BIN1: variants seen among roughly 807,000 people sequenced by gnomAD.
BIN1 encodes bridging integrator 1.
In BIN1, 53 loss-of-function variants were observed where a neutral mutation model predicts 82.0. The observed-to-expected ratio is 0.65, with a 90% CI of 0.52 to 0.81. The LOEUF (loss-of-function observed/expected upper bound fraction) is 0.81. Among genes scored for constraint, BIN1 ranks in the 40% least tolerant of loss-of-function variants. The pLI, the probability that BIN1 is intolerant of heterozygous loss-of-function variation, is 0.00. For synonymous variants in BIN1, 302 were observed against 328.0 expected, an observed-to-expected ratio of 0.92 and a Z score of 0.86; for missense variants, 642 against 784.4, an observed-to-expected ratio of 0.82 and a Z score of 2.17.
intron 5 of BIN1, 59 bp from the exon 6 acceptor site, chr2:127,069,090 T>A: frequency 6.6e-7 from 1 of 1,513,040 alleles, no homozygotes. Flanking sequence ...AGACTCCAGG[T>A]CCAGTGGATC....
At chr2:127,079,845 CCT>C (rs769676469) in intron 1 of BIN1, among the ~76,000 whole-genome samples, 10 of 152,166 alleles carry the variant, frequency 6.6e-5, no homozygotes, top group Non-Finnish European at 1.3e-4. Flanking sequence ...AAACAACCCA[CCT>C]CTCAGCCTCA....
At chr2:127,103,234 T>C (rs1190706757) in intron 1 of BIN1, among the ~76,000 whole-genome samples, 1 of 152,168 alleles carries the variant, frequency 6.6e-6, no homozygotes, top group Non-Finnish European at 1.5e-5. Flanking sequence ...TTGCTGCTTC[T>C]GAGGTTGCTG....
At chr2:127,094,085 T>C (rs1056411610) in intron 1 of BIN1, among the ~76,000 whole-genome samples, 5 of 152,200 alleles carry the variant, frequency 3.3e-5, no homozygotes, top group Non-Finnish European at 7.3e-5. Context: ...TGGAGACACC[T>C]GTTCTCCCGT....
chr2:127,082,988 G>A lies in BIN1; in HGVS notation c.85-6282C>T, dbSNP rs941179341. Among the ~76,000 whole-genome samples, 32 of 151,720 alleles carry A rather than the reference G, an allele frequency of 2.1e-4. No homozygotes were observed. The highest frequency in any genetic ancestry group is 7.8e-4 in the African/African-American group (32 of 41,258). Reference sequence around the variant, plus strand: ...TTTCAAAGTATAAACCTCAAAGAAAGTGGAAAGGATACTACAGGGACTATC... The same window carrying A: ...TTTCAAAGTATAAACCTCAAAGAAAATGGAAAGGATACTACAGGGACTATC... On this transcript the variant is annotated intron_variant, in intron 1 of 18. Coordinates refer to ENST00000316724, the MANE Select transcript of BIN1 (RefSeq NM_139343.3). This position sits in a 1 kb window ranked among gnomAD's most constrained non-coding sequence, Gnocchi z 6.1.
rs746546148 is a variant in BIN1, at chr2:127,062,155, G to C, written c.817C>G (p.Gln273Glu). 6.2e-7 allele frequency: 1 copy of C among 1,611,238 alleles called. No individual in the cohort carries two copies. Among genetic ancestry groups the C allele is most frequent in the Non-Finnish European group, 8.5e-7 (1 of 1,178,934 alleles). Residue 273 changes from glutamine to glutamate, a missense_variant, in exon 10 of 19, where the codon CAA (glutamine) becomes GAA (glutamate). Gln to Glu is a conservative substitution (Grantham distance 29). Transcript: ENST00000316724. Reference protein sequence around the residue: ...LNDVLVGLEKQHGSNTFTVKA... With the variant: ...LNDVLVGLEKEHGSNTFTVKA... ...ACCGTGAAGGTGTTGCTCCCGTGTT[G>C]CTTCTCCAGGCCGACCAGCACATCA...
Position 127,048,454 on chromosome 2 carries a change from C to T in BIN1, c.*72G>A, listed in dbSNP as rs1682446715. ...CAAAAGATGAAAAACGAAAACAAAACAAAAAAAAGAACCACACATTTTTCG... is the reference window on the plus strand; with the variant it reads ...CAAAAGATGAAAAACGAAAACAAAATAAAAAAAAGAACCACACATTTTTCG... On this transcript the variant is annotated 3_prime_UTR_variant, in exon 19 of 19. Coordinates refer to ENST00000316724, the MANE Select transcript of BIN1 (RefSeq NM_139343.3). 2 of 1,451,604 alleles carry T rather than the reference C, an allele frequency of 1.4e-6. No homozygotes were observed. Among genetic ancestry groups the T allele is most frequent in the Non-Finnish European group, 1.9e-6 (2 of 1,036,912 alleles). 89.9% of individuals were successfully genotyped at this position (1,451,604 alleles called of 1,614,324 possible). A position where few individuals can be genotyped will look rare whatever the true frequency, so the allele number is the denominator to read the frequency against.
At position 127,093,633 on chromosome 2, in the gene BIN1, AACAG is replaced by A. The variant is rs1679220693; in HGVS notation, c.84+13223_84+13226del. Among the ~76,000 whole-genome samples the A allele has an allele frequency of 6.6e-6, 1 of 152,222 alleles. No homozygotes were observed. The highest frequency in any genetic ancestry group is 6.5e-5 in the Admixed American group (1 of 15,278). Reference sequence around the variant, plus strand: ...CATTCCTCACCAACTTATGTCTGAAAACAGACAGTTCTCTCTGGTCCTTGCATCT... The same window carrying A: ...CATTCCTCACCAACTTATGTCTGAAAACAGTTCTCTCTGGTCCTTGCATCT... On this transcript the variant is annotated intron_variant, in intron 1 of 18. Coordinates refer to ENST00000316724, the MANE Select transcript of BIN1 (RefSeq NM_139343.3). This position sits in a 1 kb window ranked among gnomAD's most constrained non-coding sequence, Gnocchi z 5.7.
Position 127,096,421 on chromosome 2 carries a change from CAGGG to C in BIN1, c.84+10435_84+10438del, listed in dbSNP as rs536336717. Among the ~76,000 whole-genome samples, 43 of 152,268 alleles carry C rather than the reference CAGGG, an allele frequency of 2.8e-4. No homozygotes were observed. The South Asian group carries it at 8.9e-3, about 32-fold the overall frequency. On this transcript the variant is annotated intron_variant, in intron 1 of 18. Transcript: ENST00000316724. ...GGGAAAGAGCGTTTGCATCACCCAC[CAGGG>C]AGGGCAGAGCTGCGTGCTTCCCTCA...
rs1684223262 is a variant in BIN1, at chr2:127,059,942, C to T, written c.858-787G>A. Among the ~76,000 whole-genome samples the T allele has an allele frequency of 6.6e-6, 1 of 152,142 alleles. No homozygotes were observed. Among genetic ancestry groups the T allele is most frequent in the Non-Finnish European group, 1.5e-5 (1 of 68,024 alleles). The stretch of plus-strand genomic sequence containing the variant: ...TACGGTTGCCACTAGCCACAGGCGG[C>T]AATGCAAACTCAAAGCAATGAAATT... On this transcript the variant is annotated intron_variant, in intron 10 of 18. Transcript: ENST00000316724. This position sits in a 1 kb window ranked among gnomAD's most constrained non-coding sequence, Gnocchi z 6.7.
rs191287929 is a variant in BIN1 at position 127,069,908 on chromosome 2, C to T, written c.411+87G>A. ...TTCCTGCCTCCAGGACAGCCTCCTC[C>T]TGGCCTGAGCCGCACGTCCTAGGCC... On this transcript the variant is annotated intron_variant, in intron 5 of 18. Coordinates refer to ENST00000316724, the MANE Select transcript of BIN1 (RefSeq NM_139343.3). 1,095 of 1,419,390 alleles carry T rather than the reference C, an allele frequency of 7.7e-4. 6 individuals carry two copies. The African/African-American group carries it at 0.013, about 17-fold the overall frequency. The allele number at this position is 1,419,390 out of a possible 1,614,324, so 87.9% of individuals were successfully genotyped here.
At chr2:127,100,954 G>A (rs569607270) in intron 1 of BIN1, among the ~76,000 whole-genome samples, 17 of 144,842 alleles carry the variant, frequency 1.2e-4, no homozygotes, top group Admixed American at 5.8e-4. Context: ...TGAGGAAACC[G>A]GGATTCCAAG....
chr2:127,061,794 C>A (rs953449222), intron 10 of BIN1, among the ~76,000 whole-genome samples: 1 of 152,232 alleles, frequency 6.6e-6, no homozygotes, highest in South Asian at 2.1e-4. Context: ...TCACACCCCC[C>A]AGTCCCCAAA....
intron 10 of BIN1, among the ~76,000 whole-genome samples, chr2:127,061,212 A>AC (rs1319796353): frequency 7.0e-5 from 3 of 43,108 alleles, no homozygotes; most frequent in Non-Finnish European, 1.5e-4. Flanking sequence ...CCCGCTACCC[A>AC]CCCCCCCAAC....
intron 1 of BIN1, among the ~76,000 whole-genome samples, chr2:127,106,446 G>C (rs1391285355): frequency 6.6e-6 from 1 of 152,232 alleles, no homozygotes; most frequent in Non-Finnish European, 1.5e-5. Flanking sequence ...CTCGCCCCGA[G>C]CGCCGGCCCA....
chr2:127,087,333 CCCAGAGAACGAGTGT>C (rs1343874792), intron 1 of BIN1, among the ~76,000 whole-genome samples: 2 of 152,230 alleles, frequency 1.3e-5, no homozygotes, highest in Non-Finnish European at 2.9e-5. Flanking sequence ...AGGCTCCCGC[CCCAGAGAACGAGTGT>C]CCAGTTGACT....
intron 10 of BIN1, among the ~76,000 whole-genome samples, chr2:127,061,155 T>G (rs1229745117): frequency 6.6e-6 from 1 of 151,908 alleles, no homozygotes; most frequent in East Asian, 1.9e-4. Flanking sequence ...TGTCCCTCCC[T>G]GCCCGACCTT....
intron 10 of BIN1, among the ~76,000 whole-genome samples, chr2:127,061,359 C>T (rs891601807): frequency 1.3e-5 from 2 of 152,182 alleles, no homozygotes; most frequent in Admixed American, 6.5e-5. Context: ...TCATCCCAGG[C>T]AATACCCCAA....
intron 7 of BIN1, among the ~76,000 whole-genome samples, chr2:127,066,411 C>T (rs1685160142): frequency 6.6e-6 from 1 of 152,248 alleles, no homozygotes; most frequent in Non-Finnish European, 1.5e-5. Context: ...CCCAACCACA[C>T]CTGTCCCAGG....
In BIN1 at chr2:127,052,250, C is replaced by T. The variant is rs1405185439; in HGVS notation, c.1371+5G>A. ...GCCAGACAGGGGCTGGAGGTGGGCA[C>T]TTACTTGGGCAGGCCCCGGCTCGGC... On this transcript the variant is annotated splice_donor_5th_base_variant and intron_variant, in intron 15 of 18. Coordinates refer to ENST00000316724, the MANE Select transcript of BIN1 (RefSeq NM_139343.3). 2 of 1,567,476 alleles carry T rather than the reference C, an allele frequency of 1.3e-6. No individual in the cohort carries two copies. Among genetic ancestry groups the T allele is most frequent in the South Asian group, 1.2e-5 (1 of 85,188 alleles).
Sources: allele counts gnomAD v4.1 joint callset (sites outside exome capture counted in the v4.1 genomes callset), GRCh38; gene constraint gnomAD v4.1.1; non-coding constraint Gnocchi (gnomAD v3.1); transcripts MANE v1.5; gene names NCBI Gene and HGNC (gene_info 2026-07-23, HGNC 2026-07-21).